RNASEH1: variants seen among roughly 807,000 people sequenced by gnomAD.
RNASEH1 encodes ribonuclease H type II.
A neutral mutation model predicts 34.6 loss-of-function variants in RNASEH1; 27 were observed. The ratio of observed to expected loss-of-function variants is 0.78; its 90% CI spans 0.58 to 1.08. The LOEUF is 1.08. RNASEH1 is among the 50% of genes least tolerant of loss of function. The pLI, the probability that RNASEH1 is intolerant of heterozygous loss-of-function variation, is 0.00. For missense variants in RNASEH1, 349 were observed against 373.6 expected (o/e 0.93, Z 0.54); for synonymous variants, 162 against 138.4 (o/e 1.17, Z -1.20).
At position 3,541,680 on chromosome 2, in the gene RNASEH1, G is replaced by A. The variant is rs1228049475; in HGVS notation, c.*4105C>T. 1.3e-5 allele frequency among the ~76,000 whole-genome samples: 2 copies of A among 152,212 alleles called. No homozygotes were observed. On this transcript the variant is annotated 3_prime_UTR_variant, in exon 8 of 8. Coordinates refer to ENST00000315212, the MANE Select transcript of RNASEH1 (RefSeq NM_002936.6). ...ATATAAATTAACCTTTAGTGAGAGG[G>A]AGCAGACCAGTGGTTGCCTGAACAT...
At chr2:3,538,131 A>G (rs1312717103), downstream of RNASEH1, among the ~76,000 whole-genome samples, 1 of 151,744 alleles carries the variant, frequency 6.6e-6, no homozygotes, top group East Asian at 1.9e-4. Flanking sequence ...GGTGGATCAC[A>G]TGAGGTCGGG....
chr2:3,541,922 G>C lies in RNASEH1; in HGVS notation c.*3863C>G, dbSNP rs529193943. Among the ~76,000 whole-genome samples the C allele has an allele frequency of 1.4e-4, 22 of 152,342 alleles. No homozygotes were observed. In the East Asian group the frequency reaches 4.0e-3, roughly 28 times the overall value. On this transcript the variant is annotated 3_prime_UTR_variant, in exon 8 of 8. Transcript: ENST00000315212. ...AATCCCAGCACTTTGGGAGGCCAAG[G>C]AAGGAGGATCGCTTGAGGCCAGGAG...
At chr2:3,536,925 G>T (rs1668018188), downstream of RNASEH1, 1 of 152,272 alleles carries the variant, frequency 6.6e-6, no homozygotes, top group Non-Finnish European at 1.5e-5. Context: ...CAGGCAGGAG[G>T]GAGCACGAGC....
At position 3,550,987 on chromosome 2, in the gene RNASEH1, GACAC is replaced by G. The variant is rs897786983; in HGVS notation, c.410-519_410-516del. ...TTCCCTCTAGATAGAGGGTATGATT[GACAC>G]ACAAAGGCTGTAAAGAACAAGGTAA... On this transcript the variant is annotated intron_variant, in intron 3 of 7. Coordinates refer to ENST00000315212, the MANE Select transcript of RNASEH1 (RefSeq NM_002936.6). 3.9e-5 allele frequency among the ~76,000 whole-genome samples: 6 copies of G among 152,324 alleles called. No individual in the cohort carries two copies. In the East Asian group the frequency reaches 9.6e-4, roughly 24 times the overall value.
chr2:3,555,768 C>T (rs1037914288), intron 2 of RNASEH1, among the ~76,000 whole-genome samples: 1 of 152,126 alleles, frequency 6.6e-6, no homozygotes, highest in African/African-American at 2.4e-5. Flanking sequence ...AGTCGTCACC[C>T]TGCTCATCTG....
intron 2 of RNASEH1, among the ~76,000 whole-genome samples, chr2:3,555,457 G>C (rs1486235726): frequency 6.6e-6 from 1 of 152,186 alleles, no homozygotes; most frequent in Non-Finnish European, 1.5e-5. Flanking sequence ...AGAGGGTGAA[G>C]CAGATGCACT....
downstream of RNASEH1, among the ~76,000 whole-genome samples, chr2:3,540,410 C>G (rs930054339): frequency 6.6e-6 from 1 of 151,932 alleles, no homozygotes; most frequent in South Asian, 2.1e-4. Flanking sequence ...ACTGACATCA[C>G]TTTTGTTTTT....
At chr2:3,537,213 TCA>T (rs1227302421), downstream of RNASEH1, among the ~76,000 whole-genome samples, 1 of 152,146 alleles carries the variant, frequency 6.6e-6, no homozygotes, top group Non-Finnish European at 1.5e-5. Flanking sequence ...CTGTGCCATG[TCA>T]CAGAGTTTCA....
At chr2:3,557,645 A>G in intron 1 of RNASEH1, 1 of 381,448 alleles carries the variant, frequency 2.6e-6, no homozygotes, top group Non-Finnish European at 5.4e-6. Context: ...CCCAAGAACT[A>G]TACCTGAAAG....
downstream of RNASEH1, among the ~76,000 whole-genome samples, chr2:3,537,602 T>C (rs1220218574): frequency 1.3e-5 from 2 of 152,010 alleles, no homozygotes. Flanking sequence ...ACACTTGTAG[T>C]CCCAGCTACT....
the RNASEH1 span, among the ~76,000 whole-genome samples, chr2:3,535,310 C>G: frequency 6.6e-6 from 1 of 151,586 alleles, no homozygotes; most frequent in Non-Finnish European, 1.5e-5. Flanking sequence ...CCTCTAGTCC[C>G]CAGCTACTTG....
At position 3,549,047 on chromosome 2, in the gene RNASEH1, T is replaced by C. The variant is rs201103757; in HGVS notation, c.564+11A>G. On this transcript the variant is annotated intron_variant, in intron 5 of 7. Transcript: ENST00000315212. The stretch of plus-strand genomic sequence containing the variant: ...CAAAAAAGAGAGGCTTAAACGTATC[T>C]GATAACTTACATGAATTTCCGCTCT... 4.4e-4 allele frequency: 701 copies of C among 1,608,502 alleles called. 1 individual carries two copies. The highest frequency in any genetic ancestry group is 4.3e-4 in the Non-Finnish European group (505 of 1,175,074).
chr2:3,555,534 G>A (rs369195702), intron 2 of RNASEH1, among the ~76,000 whole-genome samples: 32 of 152,252 alleles, frequency 2.1e-4, no homozygotes, highest in African/African-American at 7.5e-4. Flanking sequence ...AACCTGCCTC[G>A]CTCTGAATTG....
intron 7 of RNASEH1, among the ~76,000 whole-genome samples, chr2:3,546,308 C>CTA (rs1668743026): frequency 6.6e-6 from 1 of 152,086 alleles, no homozygotes. Flanking sequence ...GGCTACCAAA[C>CTA]TATTATCAGT....
chr2:3,546,069 C>A (rs969216703), intron 7 of RNASEH1, among the ~76,000 whole-genome samples, 198 bp from the exon 8 acceptor site: 2 of 152,366 alleles, frequency 1.3e-5, no homozygotes, highest in Admixed American at 1.3e-4. Context: ...GATTTACGAA[C>A]ATTCCATTTT....
At chr2:3,550,032 G>A in intron 4 of RNASEH1, 1 of 238,136 alleles carries the variant, frequency 4.2e-6, no homozygotes, top group East Asian at 1.1e-4. Flanking sequence ...AATCCCAACA[G>A]TTTGGGAGGC....
At chr2:3,551,494 T>C (rs2147737836) in intron 3 of RNASEH1, among the ~76,000 whole-genome samples, 1 of 152,354 alleles carries the variant, frequency 6.6e-6, no homozygotes, top group East Asian at 1.9e-4. Context: ...TTGTTTGATC[T>C]TTTTTTACGT....
At chr2:3,550,664 T>C (rs1558453903) in intron 3 of RNASEH1, among the ~76,000 whole-genome samples, 192 bp from the exon 4 acceptor site, 1 of 152,222 alleles carries the variant, frequency 6.6e-6, no homozygotes, top group Non-Finnish European at 1.5e-5. Context: ...GGAATCCACT[T>C]ACATTTTGAT....
chr2:3,553,416 G>C (rs1013513008), intron 2 of RNASEH1, among the ~76,000 whole-genome samples: 126 of 149,970 alleles, frequency 8.4e-4, no homozygotes, highest in African/African-American at 3.1e-3. Context: ...TTTTGAGACA[G>C]AGTCTTGCTC....
Sources: gnomAD v4.1 joint callset for allele counts (sites outside exome capture counted in the v4.1 genomes callset) on GRCh38, gnomAD v4.1.1 for gene constraint, MANE v1.5 for transcripts, NCBI Gene and HGNC (gene_info 2026-07-23, HGNC 2026-07-21) for gene names.